The following CCN6 variants were observed in gnomAD, a reference collection of about 807,000 sequenced individuals.
CCN6 encodes cellular communication network factor 6, also known as CCN family member 6.
In CCN6, 31 loss-of-function variants were observed where a neutral mutation model predicts 37.4. The ratio of observed to expected loss-of-function variants is 0.83; its 90% CI spans 0.62 to 1.12. The LOEUF (loss-of-function observed/expected upper bound fraction) is 1.12, where lower values mean the gene tolerates loss of function less well. CCN6 is among the 50% of genes most tolerant of loss of function. The pLI is 0.00. For synonymous variants in CCN6, 137 were observed against 142.1 expected (o/e 0.96, Z 0.26); for missense variants, 369 against 413.8 (o/e 0.89, Z 0.94).
chr6:112,066,899 C>T (rs1776711565), intron 3 of CCN6: 1 of 1,216,506 alleles, frequency 8.2e-7, no homozygotes, highest in South Asian at 1.2e-5. Context: ...AATTCCTGAA[C>T]TACAGCTGTC....
chr6:112,058,669 G>A (rs1554312229), intron 1 of CCN6, among the ~76,000 whole-genome samples: 3 of 152,226 alleles, frequency 2.0e-5, no homozygotes, highest in African/African-American at 7.2e-5. Flanking sequence ...TGGGCAGAAT[G>A]TCCCAGGCAG....
Position 112,064,833 on chromosome 6 carries a change from G to C in CCN6, c.425G>C (p.Ser142Thr), listed in dbSNP as rs1554313576. The C allele has an allele frequency of 6.2e-7, 1 of 1,614,102 alleles. No homozygotes were observed. The highest frequency in any genetic ancestry group is 1.1e-5 in the South Asian group (1 of 91,086). Residue 142 changes from serine to threonine, a missense_variant, in exon 3 of 5, where the codon AGC becomes ACC. Ser to Thr is a moderately conservative substitution (Grantham distance 58, BLOSUM62 1). Coordinates refer to ENST00000368666, the MANE Select transcript of CCN6 (RefSeq NM_198239.2). ...GQVFQPNPLF[S>T]CLCVSGAIGC... ...GTGTTTCAGCCCAACCCCTTGTTCA[G>C]CTGCCTCTGTGTGAGTGGGGCCATT...
upstream of CCN6, among the ~76,000 whole-genome samples, chr6:112,053,711 C>T (rs1554311164): frequency 2.0e-5 from 3 of 152,062 alleles, no homozygotes; most frequent in African/African-American, 7.2e-5. Flanking sequence ...ACTCACAGTC[C>T]ACCTGGCATG....
At chr6:112,065,590 A>G (rs12194070) in intron 3 of CCN6, among the ~76,000 whole-genome samples, 1 of 78,836 alleles carries the variant, frequency 1.3e-5, no homozygotes, top group Non-Finnish European at 3.1e-5. Flanking sequence ...ACACACACGC[A>G]CACACACACA....
chr6:112,060,626 G>A (rs1480335193), intron 1 of CCN6, among the ~76,000 whole-genome samples: 2 of 152,108 alleles, frequency 1.3e-5, no homozygotes, highest in Non-Finnish European at 2.9e-5. Context: ...TCTGAGTTCA[G>A]AAGAGGGGTA....
chr6:112,069,420 CAG>C lies in CCN6; in HGVS notation c.868_869del (p.Ser290LeufsTer12), dbSNP rs781838640. On this transcript the variant is annotated frameshift_variant, in exon 5 of 5. Transcript: ENST00000368666. LOFTEE classifies it high-confidence loss of function. ...KFVFSGCSST[Q>X]SYKPTFCGIC... Reference sequence around the variant, plus strand: ...TGTCTTTTCTGGATGCTCAAGTACTCAGAGTTACAAACCCACTTTTTGTGGAA... The same window carrying C: ...TGTCTTTTCTGGATGCTCAAGTACTCAGTTACAAACCCACTTTTTGTGGAA... 5.6e-6 allele frequency: 9 copies of C among 1,613,708 alleles called. No homozygotes were observed. Among genetic ancestry groups the C allele is most frequent in the Admixed American group, 1.7e-5 (1 of 59,982 alleles).
rs182344798 is a variant in CCN6, at chr6:112,064,657, T to C, written c.347-98T>C. The C allele has an allele frequency of 6.0e-5, 94 of 1,573,370 alleles. No individual in the cohort carries two copies. The African/African-American group carries it at 1.1e-3, about 18-fold the overall frequency. ...CTAAGAGGTTGAGAGCTATACTTCA[T>C]ACAGGAGATGATCCGTTTCTTCTTA... On this transcript the variant is annotated intron_variant, in intron 2 of 4. Transcript: ENST00000368666.
intron 1 of CCN6, among the ~76,000 whole-genome samples, chr6:112,057,658 G>A (rs976618647): frequency 2.6e-5 from 4 of 152,176 alleles, no homozygotes; most frequent in East Asian, 1.9e-4. Flanking sequence ...GTTATCTCAC[G>A]GGTCCAGGGC....
In CCN6 at chr6:112,054,131, G is replaced by T; in HGVS notation, c.-227G>T. On this transcript the variant is annotated 5_prime_UTR_variant, in exon 1 of 5. Transcript: ENST00000368666. Reference sequence around the variant, plus strand: ...TCCTGACCTGTGACACGCTCACTGCGAAGGCAGGTTATTAGAAGAGTCCCA... The same window carrying T: ...TCCTGACCTGTGACACGCTCACTGCTAAGGCAGGTTATTAGAAGAGTCCCA... 1 of 722,504 alleles carries T rather than the reference G, an allele frequency of 1.4e-6. No individual in the cohort carries two copies. The highest frequency in any genetic ancestry group is 2.6e-5 in the East Asian group (1 of 38,268). The allele number at this position is 722,504 out of a possible 1,614,324, so 44.8% of individuals were successfully genotyped here.
chr6:112,059,541 C>T lies in CCN6; in HGVS notation c.49-1450C>T, dbSNP rs1776447668. ...ATGCCTGCCTCCTTCCCCAGTGGAC[C>T]CAATGTACTTGTGATTACCTTGGGC... On this transcript the variant is annotated intron_variant, in intron 1 of 4. Coordinates refer to ENST00000368666, the MANE Select transcript of CCN6 (RefSeq NM_198239.2). 2.0e-5 allele frequency among the ~76,000 whole-genome samples: 3 copies of T among 152,114 alleles called. No homozygotes were observed. The South Asian group carries it at 6.2e-4, about 32-fold the overall frequency.
intron 2 of CCN6, among the ~76,000 whole-genome samples, chr6:112,062,581 A>G (rs1776559710): frequency 6.6e-6 from 1 of 152,266 alleles, no homozygotes. Context: ...AGCCACGAGG[A>G]TAGGAATGGG....
chr6:112,054,272 A>G lies in CCN6; in HGVS notation c.-86A>G. 1 of 1,599,662 alleles carries G rather than the reference A, an allele frequency of 6.3e-7. No individual in the cohort carries two copies. The highest frequency in any genetic ancestry group is 8.6e-7 in the Non-Finnish European group (1 of 1,166,922). ...GTGCAGAGGAGCGTGGGGTTTGCAG[A>G]GGAGACAGGGGAGCTTTGTGTACCC... On this transcript the variant is annotated 5_prime_UTR_variant, in exon 1 of 5. Coordinates refer to ENST00000368666, the MANE Select transcript of CCN6 (RefSeq NM_198239.2).
Position 112,054,416 on chromosome 6 carries a change from TC to T in CCN6, c.48+16del. Reference sequence around the variant, plus strand: ...GCTGGCCTGGCACAGGTAAGTCCTCTCCCCCGACTCTTTCCCTTCCGGAGGC... The same window carrying T: ...GCTGGCCTGGCACAGGTAAGTCCTCTCCCCGACTCTTTCCCTTCCGGAGGC... On this transcript the variant is annotated intron_variant, in intron 1 of 4. Transcript: ENST00000368666. 1 of 1,612,134 alleles carries T rather than the reference TC, an allele frequency of 6.2e-7. No individual in the cohort carries two copies. The highest frequency in any genetic ancestry group is 8.5e-7 in the Non-Finnish European group (1 of 1,179,278).
At chr6:112,057,566 C>G (rs1353281164) in intron 1 of CCN6, among the ~76,000 whole-genome samples, 2 of 152,132 alleles carry the variant, frequency 1.3e-5, no homozygotes, top group African/African-American at 4.8e-5. Flanking sequence ...TTCCTGACTC[C>G]AAACTTTGAA....
At chr6:112,058,944 G>A (rs145545435) in intron 1 of CCN6, among the ~76,000 whole-genome samples, 173 of 152,320 alleles carry the variant, frequency 1.1e-3, no homozygotes, top group African/African-American at 3.9e-3. Flanking sequence ...CAGTTTGTCA[G>A]GGGGAGGGTA....
rs62414957 is a variant in CCN6, at chr6:112,058,242, C to T, written c.49-2749C>T. ...TGTAACTTTTGAATCACAGCTGAAA[C>T]GTTACTCTTTACTGAGGCATATGTG... On this transcript the variant is annotated intron_variant, in intron 1 of 4. Transcript: ENST00000368666. Among the ~76,000 whole-genome samples, 1,473 of 152,222 alleles carry T rather than the reference C, an allele frequency of 9.7e-3. 10 individuals are homozygous for T. The highest frequency in any genetic ancestry group is 0.015 in the Non-Finnish European group (1,026 of 68,018).
intron 3 of CCN6, among the ~76,000 whole-genome samples, chr6:112,066,365 A>C (rs1554313984): frequency 6.6e-6 from 1 of 152,148 alleles, no homozygotes; most frequent in Non-Finnish European, 1.5e-5. Context: ...CTTCCCTGGG[A>C]AGACTACCTT....
intron 2 of CCN6, among the ~76,000 whole-genome samples, chr6:112,063,355 T>G (rs1009375203): frequency 7.9e-5 from 12 of 152,252 alleles, no homozygotes; most frequent in Non-Finnish European, 1.2e-4. Flanking sequence ...ACCATATCAA[T>G]GAACTTTCGA....
chr6:112,068,839 T>C lies in CCN6; in HGVS notation c.783+441T>C, dbSNP rs79895246. Among the ~76,000 whole-genome samples the C allele has an allele frequency of 5.2e-3, 793 of 152,254 alleles. 10 individuals are homozygous for C. Among genetic ancestry groups the C allele is most frequent in the African/African-American group, 0.018 (766 of 41,552 alleles). Reference sequence around the variant, plus strand: ...GTATAACTAGAGCTGGTCCTGCTTCTTGAATGAGGCAGTAAGTCTGTCTCA... The same window carrying C: ...GTATAACTAGAGCTGGTCCTGCTTCCTGAATGAGGCAGTAAGTCTGTCTCA... On this transcript the variant is annotated intron_variant, in intron 4 of 4. Coordinates refer to ENST00000368666, the MANE Select transcript of CCN6 (RefSeq NM_198239.2).
Sources: gnomAD v4.1 joint callset for allele counts (sites outside exome capture counted in the v4.1 genomes callset) on GRCh38, gnomAD v4.1.1 for gene constraint, MANE v1.5 for transcripts, NCBI Gene and HGNC (gene_info 2026-07-23, HGNC 2026-07-21) for gene names.